Variants in CLEC19A observed in about 807,000 individuals in gnomAD.
CLEC19A encodes the protein C-type lectin domain containing 19A.
In CLEC19A, 21 loss-of-function variants were observed where a neutral mutation model predicts 26.1. That is an observed-to-expected ratio of 0.80 (90% CI 0.57 to 1.16). The LOEUF (loss-of-function observed/expected upper bound fraction) is 1.16. Among genes scored for constraint, CLEC19A ranks in the 50% most tolerant of loss-of-function variants. The pLI, the probability that CLEC19A is intolerant of heterozygous loss-of-function variation, is 0.00. For missense variants in CLEC19A, 224 were observed against 227.6 expected, an observed-to-expected ratio of 0.98 and a Z score of 0.10; for synonymous variants, 89 against 88.6, an observed-to-expected ratio of 1.00 and a Z score of -0.03.
Position 19,309,294 on chromosome 16 carries a change from T to G in CLEC19A, c.*211T>G, listed in dbSNP as rs1215161063. 6 of 471,042 alleles carry G rather than the reference T, an allele frequency of 1.3e-5. No individual in the cohort carries two copies. The highest frequency in any genetic ancestry group is 7.8e-5 in the Admixed American group (2 of 25,624). The allele number at this position is 471,042 out of a possible 1,614,324, so 29.2% of individuals were successfully genotyped here. A position where few individuals can be genotyped will look rare whatever the true frequency, so the allele number is the denominator to read the frequency against. On this transcript the variant is annotated 3_prime_UTR_variant, in exon 5 of 5. Coordinates refer to ENST00000636231, the MANE Select transcript of CLEC19A (RefSeq NM_001256720.2). ...AAATTGGCTTAATTTTTTAAAGTGT[T>G]TTTTTTTTTAAATTGACCCAAGTAA...
chr16:19,308,981 T>G (rs1376603321), intron 4 of CLEC19A, 23 bp from the exon 5 acceptor site: 1 of 1,544,774 alleles, frequency 6.5e-7, no homozygotes, highest in East Asian at 2.4e-5. Context: ...TTCACCCAGA[T>G]TCTCTGCTTC....
intron 2 of CLEC19A, among the ~76,000 whole-genome samples, chr16:19,300,270 C>T (rs996041262): frequency 1.3e-5 from 2 of 151,740 alleles, no homozygotes; most frequent in South Asian, 2.1e-4. Flanking sequence ...AGAAAGGGGT[C>T]GGGTGCAGTG....
At chr16:19,291,134 A>T (rs1371971621) in intron 1 of CLEC19A, among the ~76,000 whole-genome samples, 1 of 152,156 alleles carries the variant, frequency 6.6e-6, no homozygotes, top group East Asian at 1.9e-4. Flanking sequence ...GAGCCACTGC[A>T]CCTGGCCTGT....
intron 4 of CLEC19A, among the ~76,000 whole-genome samples, chr16:19,308,297 C>T (rs1209928826): frequency 6.6e-6 from 1 of 152,126 alleles, no homozygotes; most frequent in African/African-American, 2.4e-5. Context: ...GAGTTGACTG[C>T]CCTTGTGTGA....
At chr16:19,307,739 A>G (rs1897987414) in intron 4 of CLEC19A, 62 bp downstream of exon 4, 8 of 1,538,058 alleles carry the variant, frequency 5.2e-6, no homozygotes, top group Non-Finnish European at 7.0e-6. Context: ...AGGTGGGGAG[A>G]GCGGAGAAGG....
chr16:19,307,543 A>G lies in CLEC19A; in HGVS notation c.349-2A>G. The G allele has an allele frequency of 6.5e-7, 1 of 1,547,994 alleles. No individual in the cohort carries two copies. Among genetic ancestry groups the G allele is most frequent in the Non-Finnish European group, 8.7e-7 (1 of 1,146,750 alleles). ...TTGTCTCTTTGGGTGGAACCCTCCC[A>G]GGAAGGGCAGTTTGAATGGACTGAT... On this transcript the variant is annotated splice_acceptor_variant, in intron 3 of 4. Transcript: ENST00000636231. LOFTEE classifies it high-confidence loss of function.
rs775396331 is a variant in CLEC19A at position 19,307,600 on chromosome 16, G to A, written c.404G>A (p.Gly135Asp). The change falls in exon 4 of 5, where the codon GGC (glycine) becomes GAC (aspartate). Residue 135 changes from glycine (G) to aspartate (D), a missense_variant. Coordinates refer to ENST00000636231, the MANE Select transcript of CLEC19A (RefSeq NM_001256720.2). ...GSSYDYSYWD[G>D]SQPDDGVHAD... ...TCCTATGACTACAGCTACTGGGATG[G>A]CAGCCAGCCAGATGATGGCGTCCAC... 48 of 1,548,300 alleles carry A rather than the reference G, an allele frequency of 3.1e-5. No homozygotes were observed. The African/African-American group carries it at 5.9e-4, about 19-fold the overall frequency.
intron 1 of CLEC19A, among the ~76,000 whole-genome samples, chr16:19,297,072 C>T (rs760362621): frequency 1.6e-4 from 24 of 152,292 alleles, no homozygotes; most frequent in Non-Finnish European, 2.8e-4. Context: ...CGCCAGTCAT[C>T]CTGAGTCGTG....
At chr16:19,305,377 G>A (rs531931693) in intron 3 of CLEC19A, among the ~76,000 whole-genome samples, 17 of 152,328 alleles carry the variant, frequency 1.1e-4, no homozygotes, top group East Asian at 5.8e-4. Flanking sequence ...TGATTAGAGC[G>A]CAGAGTGGGG....
intron 1 of CLEC19A, among the ~76,000 whole-genome samples, chr16:19,293,784 G>A (rs1464391119): frequency 2.0e-5 from 3 of 152,088 alleles, no homozygotes; most frequent in African/African-American, 7.2e-5. Context: ...GGCTATAGTA[G>A]GTGTATATAT....
chr16:19,289,217 T>C (rs1897531659), intron 1 of CLEC19A, among the ~76,000 whole-genome samples: 3 of 152,176 alleles, frequency 2.0e-5, no homozygotes, highest in Admixed American at 1.3e-4. Flanking sequence ...GGACATTCTA[T>C]CCAGTTCCCC....
At chr16:19,293,565 A>T (rs1264878215) in intron 1 of CLEC19A, among the ~76,000 whole-genome samples, 1 of 151,852 alleles carries the variant, frequency 6.6e-6, no homozygotes. Context: ...TGGTTTCAAG[A>T]GATCCTCCCA....
At chr16:19,294,241 T>A (rs1897654457) in intron 1 of CLEC19A, among the ~76,000 whole-genome samples, 1 of 152,150 alleles carries the variant, frequency 6.6e-6, no homozygotes, top group Non-Finnish European at 1.5e-5. Context: ...CTCTTCCCAC[T>A]ACCGCCGTGC....
At chr16:19,292,694 C>T (rs939420600) in intron 1 of CLEC19A, among the ~76,000 whole-genome samples, 1 of 152,294 alleles carries the variant, frequency 6.6e-6, no homozygotes, top group Non-Finnish European at 1.5e-5. Context: ...AGGCTCCTAC[C>T]TCATCTTCCC....
chr16:19,287,761 A>G (rs1391648075), intron 1 of CLEC19A, among the ~76,000 whole-genome samples: 1 of 152,214 alleles, frequency 6.6e-6, no homozygotes, highest in East Asian at 1.9e-4. Context: ...AGTGGGGATA[A>G]CAAGGGTCCT....
chr16:19,286,249 G>A (rs1026857874), intron 1 of CLEC19A, among the ~76,000 whole-genome samples: 1 of 152,252 alleles, frequency 6.6e-6, no homozygotes, highest in African/African-American at 2.4e-5. Flanking sequence ...TACTGTGCAA[G>A]GCAGATAAGA....
chr16:19,298,410 C>A (rs576868462), intron 1 of CLEC19A, among the ~76,000 whole-genome samples: 11 of 151,630 alleles, frequency 7.3e-5, no homozygotes, highest in Admixed American at 5.3e-4. Flanking sequence ...AAACAAAAAT[C>A]AAAAAATGTA....
At chr16:19,299,886 G>A (rs1488876126) in intron 2 of CLEC19A, among the ~76,000 whole-genome samples, 1 of 152,164 alleles carries the variant, frequency 6.6e-6, no homozygotes, top group African/African-American at 2.4e-5. Flanking sequence ...ACTTTAGAAA[G>A]GGGGTTGGTT....
chr16:19,286,955 TG>T (rs1233217445), intron 1 of CLEC19A, among the ~76,000 whole-genome samples: 2 of 151,872 alleles, frequency 1.3e-5, no homozygotes, highest in East Asian at 3.9e-4. Context: ...AAATATTACA[TG>T]GGACGTATTT....
Sources: allele counts gnomAD v4.1 joint callset (sites outside exome capture counted in the v4.1 genomes callset), GRCh38; gene constraint gnomAD v4.1.1; transcripts MANE v1.5; gene names NCBI Gene and HGNC (gene_info 2026-07-23, HGNC 2026-07-21).